Variants in MAST1 observed in about 807,000 individuals in gnomAD.
MAST1 encodes microtubule associated serine/threonine kinase 1.
MAST1 carries 40 observed loss-of-function variants against 124.6 expected under a neutral mutation model. The observed-to-expected ratio is 0.32, with a 90% CI of 0.25 to 0.42. MAST1 has a LOEUF of 0.42. MAST1 is among the 10% of genes least tolerant of loss of function. The pLI, the probability that MAST1 is intolerant of heterozygous loss-of-function variation, is 1.00. For missense variants in MAST1, 1,558 were observed against 2,181.9 expected (o/e 0.71, Z 5.70); for synonymous variants, 938 against 939.4 (o/e 1.00, Z 0.03).
At chr19:12,855,857 A>G (rs1398973684) in intron 10 of MAST1, among the ~76,000 whole-genome samples, 1 of 151,942 alleles carries the variant, frequency 6.6e-6, no homozygotes, top group Non-Finnish European at 1.5e-5. Context: ...CTCCCTATTC[A>G]TTTATCTTGC....
rs530503899 is a variant in MAST1, at chr19:12,864,147, G to A, written c.1367-662G>A. On this transcript the variant is annotated intron_variant, in intron 12 of 25. Coordinates refer to ENST00000251472, the MANE Select transcript of MAST1 (RefSeq NM_014975.3). ...TCACCATGTTGACCAGGCTGGTCTC[G>A]AACTCCTGACCTCAAGTGATCCACC... 3.2e-4 allele frequency among the ~76,000 whole-genome samples: 49 copies of A among 152,084 alleles called. 1 individual carries two copies. The highest frequency in any genetic ancestry group is 1.1e-3 in the African/African-American group (46 of 41,492).
chr19:12,865,393 T>C lies in MAST1; in HGVS notation c.1716T>C (p.Ala572=). 1 of 1,612,648 alleles carries C rather than the reference T, an allele frequency of 6.2e-7. No individual in the cohort carries two copies. Among genetic ancestry groups the C allele is most frequent in the East Asian group, 2.2e-5 (1 of 44,880 alleles). The change falls in exon 15 of 26, where the codon GCT becomes GCC. Residue 572 remains alanine (A), a synonymous_variant. Transcript: ENST00000251472. This position sits in a 1 kb window ranked among gnomAD's most constrained non-coding sequence, Gnocchi z 7.1. The part of the protein sequence containing the change: ...QGYGKPVDWW[A]MGIILYEFLV... Reference sequence around the variant, plus strand: ...ACGGCAAGCCAGTGGACTGGTGGGCTATGGGGATCATCCTCTACGAGTTCC... The same window carrying C: ...ACGGCAAGCCAGTGGACTGGTGGGCCATGGGGATCATCCTCTACGAGTTCC...
intron 7 of MAST1, among the ~76,000 whole-genome samples, chr19:12,849,399 C>T (rs1969934421): frequency 6.6e-6 from 1 of 152,156 alleles, no homozygotes; most frequent in Admixed American, 6.5e-5. Context: ...CGAGGTTGCT[C>T]ACGCCTTTAA....
At position 12,841,002 on chromosome 19, in the gene MAST1, C is replaced by A. The variant is rs1477378137; in HGVS notation, c.184C>A (p.Leu62Met). ...PLPGHLGSSP[L>M]DSPRNFSPNT... ...TCTTTCTCTCATAGGCAGCAGTCCC[C>A]TGGACAGCCCCCGAAACTTCTCCCC... The change falls in exon 3 of 26, where the codon CTG becomes ATG. Residue 62 changes from leucine (L) to methionine (M), a missense_variant. By Grantham distance (15) the Leu-to-Met change is conservative. This residue lies in a region of MAST1 where 57 missense variants were observed against 35.3 expected (regional missense o/e 1.62). Transcript: ENST00000251472. This position sits in a 1 kb window ranked among gnomAD's most constrained non-coding sequence, Gnocchi z 4.3. 5 of 1,349,300 alleles carry A rather than the reference C, an allele frequency of 3.7e-6. No individual in the cohort carries two copies. Among genetic ancestry groups the A allele is most frequent in the South Asian group, 3.5e-5 (3 of 86,008 alleles). The allele number at this position is 1,349,300 out of a possible 1,614,324, so 83.6% of individuals were successfully genotyped here. A position where few individuals can be genotyped will look rare whatever the true frequency, so the allele number is the denominator to read the frequency against.
Position 12,858,368 on chromosome 19 carries a change from A to G in MAST1, c.1084A>G (p.Ser362Gly). 6.2e-7 allele frequency: 1 copy of G among 1,613,370 alleles called. No homozygotes were observed. The highest frequency in any genetic ancestry group is 1.7e-5 in the Admixed American group (1 of 59,934). ...PEQDDLSEGR[S>G]SKAKKPPGEN... ...CTCCATCTTTTTCCTGAAGGGCCGC[A>G]GCAGCAAGGCCAAGAAACCGCCGGG... The change falls in exon 11 of 26, where the codon AGC (serine) becomes GGC (glycine). Residue 362 changes from serine to glycine, a missense_variant. Around this residue, in one of 10 missense-constraint regions of MAST1, gnomAD observed 136 missense variants for 160.9 expected, o/e 0.85. Coordinates refer to ENST00000251472, the MANE Select transcript of MAST1 (RefSeq NM_014975.3).
intron 22 of MAST1, among the ~76,000 whole-genome samples, chr19:12,869,730 C>T (rs1172507889): frequency 6.6e-6 from 1 of 151,800 alleles, no homozygotes; most frequent in Non-Finnish European, 1.5e-5. Flanking sequence ...GCCACGGTGC[C>T]TGGCCGAGAC....
intron 7 of MAST1, chr19:12,849,109 G>A (rs1362977819): frequency 6.6e-6 from 1 of 152,626 alleles, no homozygotes; most frequent in Non-Finnish European, 1.5e-5. Flanking sequence ...CTTCTCCAAT[G>A]TCAGCCCCAT....
intron 24 of MAST1, chr19:12,873,117 T>G: frequency 7.0e-6 from 4 of 568,614 alleles, no homozygotes; most frequent in Middle Eastern, 4.6e-4. Flanking sequence ...GGACTAGGAG[T>G]GGCCAAAGGG....
intron 7 of MAST1, among the ~76,000 whole-genome samples, chr19:12,851,389 A>G (rs1969957800): frequency 6.6e-6 from 1 of 151,110 alleles, no homozygotes; most frequent in Admixed American, 6.6e-5. Context: ...TCAGCCTCCC[A>G]GGTAGCTAGG....
At chr19:12,849,595 C>T (rs1568408855) in intron 7 of MAST1, among the ~76,000 whole-genome samples, 1 of 151,646 alleles carries the variant, frequency 6.6e-6, no homozygotes, top group Non-Finnish European at 1.5e-5. Context: ...ATCCGGGAGG[C>T]AGTGGTTGCA....
At chr19:12,859,873 G>GTTTGT (rs949152939) in intron 12 of MAST1, among the ~76,000 whole-genome samples, 6 of 139,844 alleles carry the variant, frequency 4.3e-5, no homozygotes, top group African/African-American at 1.6e-4. Flanking sequence ...TTTTTTGTTC[G>GTTTGT]TTTGTTTTGT....
intron 24 of MAST1, 121 bp downstream of exon 24, chr19:12,871,293 A>G (rs1294006144): frequency 3.5e-6 from 5 of 1,413,580 alleles, no homozygotes; most frequent in Non-Finnish European, 4.8e-6. Flanking sequence ...ATGACCAACA[A>G]GCAAAGGGAA....
intron 12 of MAST1, among the ~76,000 whole-genome samples, chr19:12,859,277 G>A (rs1014833003): frequency 2.6e-5 from 4 of 151,988 alleles, no homozygotes; most frequent in East Asian, 1.9e-4. Flanking sequence ...ACAGGATTTC[G>A]CCATGTTTGC....
chr19:12,848,711 A>G (rs968043891), intron 7 of MAST1: 15 of 152,132 alleles, frequency 9.9e-5, no homozygotes, highest in African/African-American at 3.6e-4. Context: ...TAATCCCAGC[A>G]CTCTGGGAGG....
Position 12,874,177 on chromosome 19 carries a change from G to A in MAST1, c.4020G>A (p.Leu1340=), listed in dbSNP as rs1395715378. Residue 1340 remains leucine, a synonymous_variant, in exon 26 of 26, where the codon CTG becomes CTA. Coordinates refer to ENST00000251472, the MANE Select transcript of MAST1 (RefSeq NM_014975.3). This position sits in a 1 kb window ranked among gnomAD's most constrained non-coding sequence, Gnocchi z 6.6. ...GCCGACAGGAGTCACCTTTGAGCCT[G>A]GGCGCGGACCCGTTGCTGCCCGAGG... ...RLGRQESPLS[L]GADPLLPEGA... The A allele has an allele frequency of 3.3e-5, 51 of 1,541,846 alleles. No homozygotes were observed. The highest frequency in any genetic ancestry group is 4.2e-5 in the Non-Finnish European group (48 of 1,146,732).
At chr19:12,852,496 T>A in intron 10 of MAST1, 101 bp downstream of exon 10, 1 of 1,105,998 alleles carries the variant, frequency 9.0e-7, no homozygotes, top group Non-Finnish European at 1.4e-6. Flanking sequence ...GATCTCTTGG[T>A]CCTACACTCT....
Position 12,871,166 on chromosome 19 carries a change from A to G in MAST1, c.3257A>G (p.Gln1086Arg), listed in dbSNP as rs749716990. ...RNKRPSAKEGQESKKRSSLFR... is the reference protein window; with the variant it reads ...RNKRPSAKEGRESKKRSSLFR... ...AAGCGACCCTCCGCCAAGGAGGGCC[A>G]GGAGAGGTGGGCACAGCCGTAAACA... The change falls in exon 24 of 26, where the codon CAG becomes CGG. Residue 1086 changes from glutamine to arginine, a missense_variant. Transcript: ENST00000251472. 2 of 1,614,152 alleles carry G rather than the reference A, an allele frequency of 1.2e-6. No individual in the cohort carries two copies. Among genetic ancestry groups the G allele is most frequent in the East Asian group, 2.2e-5 (1 of 44,888 alleles).
At position 12,847,475 on chromosome 19, in the gene MAST1, G is replaced by A. The variant is rs200911251; in HGVS notation, c.488+25G>A. Reference sequence around the variant, plus strand: ...GGTGGGCAGGCATCCCTCCTCCTTCGTACCAAGCTAGTGGTCTTAGGACTT... The same window carrying A: ...GGTGGGCAGGCATCCCTCCTCCTTCATACCAAGCTAGTGGTCTTAGGACTT... On this transcript the variant is annotated intron_variant, in intron 5 of 25. Transcript: ENST00000251472. The surrounding 1 kb of genome is among the most constrained non-coding windows in gnomAD (Gnocchi z 5.5). The A allele has an allele frequency of 8.2e-5, 133 of 1,612,854 alleles. No homozygotes were observed. Among genetic ancestry groups the A allele is most frequent in the Non-Finnish European group, 1.0e-4 (122 of 1,179,590 alleles).
chr19:12,842,756 G>C (rs1019676686), intron 3 of MAST1, among the ~76,000 whole-genome samples: 2 of 152,148 alleles, frequency 1.3e-5, no homozygotes, highest in Non-Finnish European at 2.9e-5. Context: ...AGTGAGCGTG[G>C]GTGTCTGGAA....
Sources: gnomAD v4.1 joint callset for allele counts (sites outside exome capture counted in the v4.1 genomes callset) on GRCh38, gnomAD v4.1.1 for gene constraint, gnomAD v4.1.1 regional missense constraint, Gnocchi (gnomAD v3.1) non-coding constraint, MANE v1.5 for transcripts, NCBI Gene and HGNC (gene_info 2026-07-23, HGNC 2026-07-21) for gene names.